The following MYPN variants were observed in gnomAD, a reference collection of about 807,000 sequenced individuals.
MYPN encodes the protein myopalladin.
In MYPN, 63 loss-of-function variants were observed where a neutral mutation model predicts 129.4. The observed-to-expected ratio is 0.49, with a 90% CI of 0.40 to 0.60. The LOEUF is 0.60. Ranked by LOEUF, MYPN falls within the 20% of genes least tolerant of loss-of-function variation. The pLI, the probability that MYPN is intolerant of heterozygous loss-of-function variation, is 0.00. For missense variants in MYPN, 1,596 were observed against 1,635.4 expected (o/e 0.98, Z 0.42); for synonymous variants, 629 against 600.9 (o/e 1.05, Z -0.68).
chr10:68,174,021 A>T (rs2043184803), intron 10 of MYPN, 45 bp from the exon 11 acceptor site: 1 of 1,439,700 alleles, frequency 6.9e-7, no homozygotes. Context: ...TGAGGCCAAT[A>T]ATAACACATT....
chr10:68,158,067 A>C (rs1237758728), intron 6 of MYPN: 2 of 182,890 alleles, frequency 1.1e-5, no homozygotes, highest in African/African-American at 4.8e-5. Flanking sequence ...TCTGTCTTCA[A>C]ACCTACTTTT....
chr10:68,196,621 C>T (rs1343131175), intron 15 of MYPN, among the ~76,000 whole-genome samples: 3 of 151,416 alleles, frequency 2.0e-5, no homozygotes, highest in Non-Finnish European at 2.9e-5. Context: ...GTAATTGGGA[C>T]CACAGGTGTG....
chr10:68,184,365 C>A (rs1371699844), intron 12 of MYPN, among the ~76,000 whole-genome samples: 1 of 152,132 alleles, frequency 6.6e-6, no homozygotes, highest in Non-Finnish European at 1.5e-5. Context: ...CATGAATGAC[C>A]CAAATAAGAT....
chr10:68,111,372 C>A (rs991285867), intron 1 of MYPN, among the ~76,000 whole-genome samples: 5 of 152,150 alleles, frequency 3.3e-5, no homozygotes, highest in African/African-American at 1.2e-4. Context: ...GTCAAATGCT[C>A]CTGCCAACCC....
intron 16 of MYPN, 138 bp downstream of exon 16, chr10:68,197,616 TTC>T: frequency 9.4e-7 from 1 of 1,061,024 alleles, no homozygotes; most frequent in Non-Finnish European, 1.4e-6. Context: ...ATCACTTTTT[TTC>T]ATCATAAGGC....
intron 1 of MYPN, among the ~76,000 whole-genome samples, chr10:68,111,709 G>T (rs2042084307): frequency 6.6e-6 from 1 of 152,188 alleles, no homozygotes; most frequent in South Asian, 2.1e-4. Context: ...AGTAGCTATA[G>T]AGTTCTCAGA....
At chr10:68,207,910 G>A (rs1185411136) in intron 19 of MYPN, among the ~76,000 whole-genome samples, 1 of 133,290 alleles carries the variant, frequency 7.5e-6, no homozygotes, top group South Asian at 2.7e-4. Flanking sequence ...GCTGGAGCAC[G>A]TCTTCTGGAA....
At chr10:68,115,844 T>C (rs2042149888) in intron 1 of MYPN, among the ~76,000 whole-genome samples, 1 of 152,162 alleles carries the variant, frequency 6.6e-6, no homozygotes, top group Non-Finnish European at 1.5e-5. Context: ...GACTTAAACA[T>C]ACAAAACACT....
At chr10:68,140,709 T>C (rs2042563231) in intron 2 of MYPN, among the ~76,000 whole-genome samples, 1 of 152,126 alleles carries the variant, frequency 6.6e-6, no homozygotes, top group Admixed American at 6.5e-5. Context: ...ATGACATATT[T>C]ATGGAATAAT....
At chr10:68,097,531 C>A (rs537256135) in intron 1 of MYPN, among the ~76,000 whole-genome samples, 1 of 151,936 alleles carries the variant, frequency 6.6e-6, no homozygotes, top group African/African-American at 2.4e-5. Context: ...ATTTATTGAC[C>A]ACTTGCTAGG....
At chr10:68,171,070 A>G (rs971571610) in intron 10 of MYPN, among the ~76,000 whole-genome samples, 1 of 150,870 alleles carries the variant, frequency 6.6e-6, no homozygotes, top group African/African-American at 2.4e-5. Context: ...AATCGTTTGA[A>G]TCTAGGAGGC....
At position 68,166,224 on chromosome 10, in the gene MYPN, C is replaced by G. The variant is rs2043050983; in HGVS notation, c.1601-70C>G. ...ACATTCCTCTGGTGTGAACACTTTC[C>G]CATTTGTGCACATGCCCCAATTCAG... is the stretch of plus-strand genomic sequence containing the variant. On this transcript the variant is annotated intron_variant, in intron 9 of 19. Coordinates refer to ENST00000358913, the MANE Select transcript of MYPN (RefSeq NM_032578.4). 1.9e-6 allele frequency: 3 copies of G among 1,585,418 alleles called. No individual in the cohort carries two copies. The African/African-American group carries it at 4.0e-5, about 21-fold the overall frequency.
chr10:68,141,106 C>T (rs918708384), intron 2 of MYPN, among the ~76,000 whole-genome samples: 2 of 152,174 alleles, frequency 1.3e-5, no homozygotes, highest in Non-Finnish European at 2.9e-5. Flanking sequence ...CGCAGTGGCT[C>T]ATGCCTGTAA....
At chr10:68,166,994 G>A (rs1225634104) in intron 10 of MYPN, among the ~76,000 whole-genome samples, 1 of 152,082 alleles carries the variant, frequency 6.6e-6, no homozygotes, top group Admixed American at 6.6e-5. Context: ...AGCTGTGATC[G>A]TGCCACTGTA....
In MYPN at chr10:68,158,574, A is replaced by G. The variant is rs1274368338; in HGVS notation, c.1406A>G (p.Tyr469Cys). 6 of 1,608,700 alleles carry G rather than the reference A, an allele frequency of 3.7e-6. No individual in the cohort carries two copies. Among genetic ancestry groups the G allele is most frequent in the Non-Finnish European group, 5.1e-6 (6 of 1,175,234 alleles). The change falls in exon 7 of 20, where the codon TAT becomes TGT. Residue 469 changes from tyrosine to cysteine, a missense_variant. Transcript: ENST00000358913. ...KGAPSPKVEWYREGTLIEDSP... is the reference protein window; with the variant it reads ...KGAPSPKVEWCREGTLIEDSP... ...GCTCCATCTCCTAAGGTTGAGTGGT[A>G]TAGAGAAGGGACTTTAATAGAAGAT... is the stretch of plus-strand genomic sequence containing the variant.
intron 12 of MYPN, among the ~76,000 whole-genome samples, chr10:68,188,380 G>A (rs985146216): frequency 1.3e-5 from 2 of 150,480 alleles, no homozygotes; most frequent in African/African-American, 4.9e-5. Context: ...AAAGGGCTGG[G>A]ATTACAGGCG....
chr10:68,198,933 A>G (rs10998012), intron 16 of MYPN, among the ~76,000 whole-genome samples: 86,706 of 150,168 alleles, frequency 0.58, 27,037 homozygotes, highest in Non-Finnish European at 0.69. Flanking sequence ...CGTGGTACAC[A>G]TATACCTATG....
At chr10:68,147,692 C>G (rs2042691983) in intron 4 of MYPN, among the ~76,000 whole-genome samples, 2 of 152,106 alleles carry the variant, frequency 1.3e-5, no homozygotes, top group African/African-American at 4.8e-5. Context: ...ATGGCCTTCC[C>G]CTCTGGACGT....
chr10:68,115,607 A>G (rs752449629), intron 1 of MYPN, among the ~76,000 whole-genome samples: 1 of 152,104 alleles, frequency 6.6e-6, no homozygotes, highest in Non-Finnish European at 1.5e-5. Context: ...GCTCACTTCT[A>G]CTGTTACTTC....
Sources: allele counts gnomAD v4.1 joint callset (sites outside exome capture counted in the v4.1 genomes callset), GRCh38; gene constraint gnomAD v4.1.1; transcripts MANE v1.5; gene names NCBI Gene and HGNC (gene_info 2026-07-23, HGNC 2026-07-21).